PABPC4L: variants seen among roughly 807,000 people sequenced by gnomAD.
PABPC4L encodes polyadenylate-binding protein 4-like.
For missense variants in PABPC4L, 452 were observed against 451.4 expected (o/e 1.00, Z -0.01); for synonymous variants, 169 against 164.1 (o/e 1.03, Z -0.23).
chr4:133,962,818 C>A, the PABPC4L span, among the ~76,000 whole-genome samples: 1 of 152,132 alleles, frequency 6.6e-6, no homozygotes, highest in Non-Finnish European at 1.5e-5. Flanking sequence ...AAATTTGCCA[C>A]TACCAAGCCA....
the PABPC4L span, among the ~76,000 whole-genome samples, chr4:134,006,255 AT>A: frequency 4.0e-5 from 6 of 151,342 alleles, no homozygotes; most frequent in African/African-American, 7.3e-5. Context: ...TTTCTTTGTG[AT>A]TTTTTTTCTG....
At chr4:134,116,950 C>A in the PABPC4L span, among the ~76,000 whole-genome samples, 109 of 151,758 alleles carry the variant, frequency 7.2e-4, no homozygotes, top group Admixed American at 7.2e-3. Context: ...TGCCCTGTTA[C>A]TATAATTATA....
At chr4:134,115,504 A>T in the PABPC4L span, among the ~76,000 whole-genome samples, 1 of 151,954 alleles carries the variant, frequency 6.6e-6, no homozygotes, top group African/African-American at 2.4e-5. Context: ...AGAGGAAATT[A>T]TGTTTAGAAG....
At chr4:134,143,592 C>G in the PABPC4L span, among the ~76,000 whole-genome samples, 1 of 150,728 alleles carries the variant, frequency 6.6e-6, no homozygotes, top group Non-Finnish European at 1.5e-5. Context: ...CATGAGCATA[C>G]TGTAGATTTC....
the PABPC4L span, among the ~76,000 whole-genome samples, chr4:134,154,328 T>C: frequency 6.6e-6 from 1 of 152,054 alleles, no homozygotes; most frequent in Non-Finnish European, 1.5e-5. Flanking sequence ...TGGTGGCGCA[T>C]GCCTGTAGTC....
chr4:134,031,226 G>A, the PABPC4L span, among the ~76,000 whole-genome samples: 4 of 151,918 alleles, frequency 2.6e-5, no homozygotes, highest in East Asian at 3.9e-4. Context: ...GAAGGAGTCC[G>A]CCATAAACTC....
At chr4:134,162,309 T>A in the PABPC4L span, among the ~76,000 whole-genome samples, 141 of 152,064 alleles carry the variant, frequency 9.3e-4, 1 homozygote, top group East Asian at 0.026. Flanking sequence ...TCAACAAAAA[T>A]ATATTACAAT....
the PABPC4L span, among the ~76,000 whole-genome samples, chr4:134,111,647 G>T: frequency 6.6e-6 from 1 of 151,836 alleles, no homozygotes; most frequent in Non-Finnish European, 1.5e-5. Flanking sequence ...AATCATGGGG[G>T]CCAGTCTTTC....
chr4:134,169,814 T>C, the PABPC4L span, among the ~76,000 whole-genome samples: 3 of 152,156 alleles, frequency 2.0e-5, no homozygotes, highest in African/African-American at 7.2e-5. Context: ...CATTCTATGG[T>C]CATGGATAGG....
the PABPC4L span, among the ~76,000 whole-genome samples, chr4:134,125,086 C>G: frequency 1.3e-5 from 2 of 151,956 alleles, no homozygotes; most frequent in Non-Finnish European, 2.9e-5. Context: ...AAATACATTC[C>G]TGAGCAAGAA....
the PABPC4L span, among the ~76,000 whole-genome samples, chr4:134,119,930 T>A: frequency 6.6e-6 from 1 of 151,762 alleles, no homozygotes; most frequent in Non-Finnish European, 1.5e-5. Flanking sequence ...TGCTGCACTC[T>A]GAGTGAATAG....
chr4:133,961,769 A>G, the PABPC4L span, among the ~76,000 whole-genome samples: 44,858 of 152,018 alleles, frequency 0.3, 10,000 homozygotes, highest in African/African-American at 0.59. Flanking sequence ...CCACCCCTCC[A>G]GATACGGCAG....
At chr4:133,992,648 G>C in the PABPC4L span, among the ~76,000 whole-genome samples, 2 of 152,110 alleles carry the variant, frequency 1.3e-5, no homozygotes, top group Non-Finnish European at 2.9e-5. Flanking sequence ...GAAGAAGGGT[G>C]GATCTAAGAG....
At chr4:133,961,079 C>T in the PABPC4L span, among the ~76,000 whole-genome samples, 3 of 152,246 alleles carry the variant, frequency 2.0e-5, no homozygotes, top group Middle Eastern at 3.4e-3. Context: ...CTCTGGAAAG[C>T]ACCACCTCCC....
the PABPC4L span, among the ~76,000 whole-genome samples, chr4:134,110,659 T>G: frequency 6.6e-6 from 1 of 151,476 alleles, no homozygotes; most frequent in Non-Finnish European, 1.5e-5. Flanking sequence ...GATACCAAAA[T>G]TCATGGATGC....
At chr4:134,030,605 A>G in the PABPC4L span, among the ~76,000 whole-genome samples, 3 of 150,570 alleles carry the variant, frequency 2.0e-5, no homozygotes, top group South Asian at 6.2e-4. Context: ...TCTTTAAACA[A>G]TACATCACTG....
At chr4:134,094,398 T>C in the PABPC4L span, among the ~76,000 whole-genome samples, 22 of 151,962 alleles carry the variant, frequency 1.4e-4, no homozygotes, top group Non-Finnish European at 2.9e-4. Flanking sequence ...TACCTAGGTC[T>C]ATAAAGACAC....
At position 134,201,092 on chromosome 4, in the gene PABPC4L, A is replaced by G. The variant is rs1729864318; in HGVS notation, c.-73T>C. The G allele has an allele frequency of 6.4e-7, 1 of 1,550,970 alleles. No homozygotes were observed. Among genetic ancestry groups the G allele is most frequent in the Admixed American group, 2.0e-5 (1 of 50,978 alleles). On this transcript the variant is annotated 5_prime_UTR_variant, in exon 2 of 2. Transcript: ENST00000421491. ...AATCCCTGTGGGGGGATACTAGGTC[A>G]CAGCTTTGGCCCGGTTCAAGTGTGG...
At chr4:134,053,491 A>C in the PABPC4L span, among the ~76,000 whole-genome samples, 4 of 152,226 alleles carry the variant, frequency 2.6e-5, no homozygotes, top group South Asian at 4.1e-4. Context: ...ATAACCCTGT[A>C]GAGAATAGAG....
Sources: gnomAD v4.1 joint callset for allele counts (sites outside exome capture counted in the v4.1 genomes callset) on GRCh38, gnomAD v4.1.1 for gene constraint, MANE v1.5 for transcripts, NCBI Gene and HGNC (gene_info 2026-07-23, HGNC 2026-07-21) for gene names.